The following FOCAD variants were observed in gnomAD, a reference collection of about 807,000 sequenced individuals.
FOCAD encodes the protein focadhesin, also known as KIAA1797.
A neutral mutation model predicts 225.6 loss-of-function variants in FOCAD; 198 were observed. The ratio of observed to expected loss-of-function variants is 0.88; its 90% CI spans 0.78 to 0.99. The LOEUF is 0.99. Ranked by LOEUF, FOCAD falls within the 50% of genes least tolerant of loss-of-function variation. The pLI, the probability that FOCAD is intolerant of heterozygous loss-of-function variation, is 0.00. For synonymous variants in FOCAD, 897 were observed against 755.0 expected, an observed-to-expected ratio of 1.19 and a Z score of -3.08; for missense variants, 2,713 against 2,123.6, an observed-to-expected ratio of 1.28 and a Z score of -5.46.
chr9:20,841,780 T>G (rs974215377), intron 15 of FOCAD, among the ~76,000 whole-genome samples: 1 of 151,152 alleles, frequency 6.6e-6, no homozygotes, highest in African/African-American at 2.4e-5. Flanking sequence ...TTGTTATTTC[T>G]TTTCTTCTAA....
At chr9:20,755,023 A>G (rs1828924010) in intron 5 of FOCAD, among the ~76,000 whole-genome samples, 1 of 152,218 alleles carries the variant, frequency 6.6e-6, no homozygotes, top group South Asian at 2.1e-4. Context: ...TGTGGCAGTT[A>G]TAATTGATTA....
chr9:20,921,104 G>A (rs992351353), intron 24 of FOCAD, among the ~76,000 whole-genome samples: 2 of 151,802 alleles, frequency 1.3e-5, no homozygotes, highest in Admixed American at 1.3e-4. Context: ...TAGGGGTAAG[G>A]GAGAGTCAGA....
chr9:20,847,825 A>G (rs1827269081), intron 15 of FOCAD, among the ~76,000 whole-genome samples: 1 of 152,106 alleles, frequency 6.6e-6, no homozygotes, highest in South Asian at 2.1e-4. Flanking sequence ...AATGTCTTTA[A>G]AAGAGAAGAC....
At chr9:20,800,056 C>G (rs776103741) in intron 11 of FOCAD, among the ~76,000 whole-genome samples, 4 of 152,118 alleles carry the variant, frequency 2.6e-5, no homozygotes, top group African/African-American at 7.2e-5. Context: ...GTGACAAAAT[C>G]TCTCAGCATT....
intron 6 of FOCAD, among the ~76,000 whole-genome samples, chr9:20,761,479 G>T (rs1483023232): frequency 6.6e-6 from 1 of 151,982 alleles, no homozygotes; most frequent in Non-Finnish European, 1.5e-5. Context: ...GGAGTGCAGT[G>T]GTGCAATCTC....
chr9:20,869,716 A>G (rs1488310463), intron 18 of FOCAD, among the ~76,000 whole-genome samples: 1 of 152,180 alleles, frequency 6.6e-6, no homozygotes, highest in African/African-American at 2.4e-5. Context: ...ATGGACATGT[A>G]ATACTTGCAT....
At chr9:20,741,843 C>T (rs899776925) in intron 5 of FOCAD, among the ~76,000 whole-genome samples, 2 of 151,948 alleles carry the variant, frequency 1.3e-5, no homozygotes, top group Non-Finnish European at 2.9e-5. Context: ...AATTCAAACT[C>T]TTGGGCCAGA....
Position 20,986,283 on chromosome 9 carries a change from T to TTTTTTTTTTTTTTTTTTTTTTTTTTGG in FOCAD, c.4729-5_4729-4insTTTTTTTTTTTTTTTTTTTTTTTTTGG. The TTTTTTTTTTTTTTTTTTTTTTTTTTGG allele has an allele frequency of 1.4e-6, 2 of 1,476,882 alleles. No homozygotes were observed. The highest frequency in any genetic ancestry group is 1.8e-6 in the Non-Finnish European group (2 of 1,113,548). The allele number at this position is 1,476,882 out of a possible 1,614,324, so 91.5% of individuals were successfully genotyped here. ...ACTAAACAATTTTTTTTTTTTTTTT[T>TTTTTTTTTTTTTTTTTTTTTTTTTTGG]GCAGAGCAACATAGAAAAAGCTGCC... is the stretch of plus-strand genomic sequence containing the variant. On this transcript the variant is annotated splice_polypyrimidine_tract_variant and splice_region_variant and intron_variant, in intron 39 of 43. Coordinates refer to ENST00000338382, the MANE Select transcript of FOCAD (RefSeq NM_001375567.1).
intron 5 of FOCAD, among the ~76,000 whole-genome samples, chr9:20,744,786 T>C (rs1348498885): frequency 6.6e-6 from 1 of 152,164 alleles, no homozygotes; most frequent in African/African-American, 2.4e-5. Context: ...GATCTTTCAA[T>C]ATAAATAAAG....
intron 15 of FOCAD, among the ~76,000 whole-genome samples, chr9:20,846,358 C>G (rs1564065705): frequency 6.6e-6 from 1 of 152,062 alleles, no homozygotes; most frequent in Non-Finnish European, 1.5e-5. Flanking sequence ...AGCTTAAAAC[C>G]AGAGCCAACC....
At chr9:20,824,410 A>G (rs531912947) in intron 15 of FOCAD, among the ~76,000 whole-genome samples, 1 of 152,042 alleles carries the variant, frequency 6.6e-6, no homozygotes, top group African/African-American at 2.4e-5. Context: ...TGAAATTAAC[A>G]TTTTTTCTTA....
chr9:20,933,608 C>G (rs1251558822), intron 28 of FOCAD, among the ~76,000 whole-genome samples: 2 of 151,998 alleles, frequency 1.3e-5, no homozygotes, highest in African/African-American at 4.8e-5. Flanking sequence ...TCTTTATCCA[C>G]TCATTGATTG....
chr9:20,849,327 A>G (rs112145306), intron 15 of FOCAD, among the ~76,000 whole-genome samples: 20 of 150,966 alleles, frequency 1.3e-4, no homozygotes, highest in African/African-American at 4.1e-4. Flanking sequence ...GAAATCAACC[A>G]TCTATCCTCT....
intron 21 of FOCAD, among the ~76,000 whole-genome samples, chr9:20,889,019 A>T (rs531012162): frequency 6.6e-6 from 1 of 152,318 alleles, no homozygotes; most frequent in African/African-American, 2.4e-5. Context: ...TAAAGTATAC[A>T]ACTCAGTGGT....
At chr9:20,849,349 A>C (rs1398036032) in intron 15 of FOCAD, among the ~76,000 whole-genome samples, 1 of 148,602 alleles carries the variant, frequency 6.7e-6, no homozygotes, top group Non-Finnish European at 1.5e-5. Flanking sequence ...CTTTCCCCCA[A>C]CAGTTACTGT....
intron 16 of FOCAD, 52 bp from the exon 17 acceptor site, chr9:20,865,874 T>C: frequency 7.5e-7 from 1 of 1,328,200 alleles, no homozygotes; most frequent in Non-Finnish European, 1.1e-6. Flanking sequence ...TTATTTAGTC[T>C]CAGTTTTAGC....
chr9:20,846,837 AT>A (rs1237293592), intron 15 of FOCAD, among the ~76,000 whole-genome samples: 1 of 152,124 alleles, frequency 6.6e-6, no homozygotes, highest in Non-Finnish European at 1.5e-5. Context: ...AAGAGAAGAC[AT>A]TTTAGTGCTT....
intron 24 of FOCAD, among the ~76,000 whole-genome samples, chr9:20,921,791 A>G (rs996648156): frequency 2.0e-5 from 3 of 152,232 alleles, no homozygotes; most frequent in Non-Finnish European, 2.9e-5. Context: ...TTTGAAATAA[A>G]ATAGTTTTTG....
Position 20,789,650 on chromosome 9 carries a change from T to A in FOCAD, c.1455+42T>A, listed in dbSNP as rs144752645. The A allele has an allele frequency of 1.0e-3, 1,619 of 1,601,028 alleles. 16 individuals carry two copies. In the African/African-American group the frequency reaches 0.016, roughly 16 times the overall value. On this transcript the variant is annotated intron_variant, in intron 11 of 43. Transcript: ENST00000338382. ...ATGGAACAATAATGAGAGGAAAGCT[T>A]AATCATTGGAAATGTAGATTATTCC...
Sources: allele counts gnomAD v4.1 joint callset (sites outside exome capture counted in the v4.1 genomes callset), GRCh38; gene constraint gnomAD v4.1.1; transcripts MANE v1.5; gene names NCBI Gene and HGNC (gene_info 2026-07-23, HGNC 2026-07-21).